Variants in ALPK1 observed in about 807,000 individuals in gnomAD.
ALPK1 encodes the protein alpha kinase 1, also known as alpha-protein kinase 1.
In ALPK1, 110 loss-of-function variants were observed where a neutral mutation model predicts 120.6. The observed-to-expected ratio is 0.91, with a 90% CI of 0.78 to 1.07. The LOEUF (loss-of-function observed/expected upper bound fraction) is 1.07, where lower values mean the gene tolerates loss of function less well. Among genes scored for constraint, ALPK1 ranks in the 50% least tolerant of loss-of-function variants. ALPK1 has a pLI of 0.00. For synonymous variants in ALPK1, 582 were observed against 560.3 expected (o/e 1.04, Z -0.55); for missense variants, 1,498 against 1,483.9 (o/e 1.01, Z -0.16).
intron 14 of ALPK1, among the ~76,000 whole-genome samples, chr4:112,440,596 T>A (rs1488015655): frequency 6.6e-6 from 1 of 152,200 alleles, no homozygotes; most frequent in Non-Finnish European, 1.5e-5. Flanking sequence ...GAAAGAAATA[T>A]TCCATATTAT....
At position 112,377,631 on chromosome 4, in the gene ALPK1, T is replaced by C. The variant is rs1045195914; in HGVS notation, c.-100-47T>C. The C allele has an allele frequency of 8.6e-5, 63 of 729,428 alleles. 1 individual carries two copies. The South Asian group carries it at 1.6e-3, about 18-fold the overall frequency. The allele number at this position is 729,428 out of a possible 1,614,324, so 45.2% of individuals were successfully genotyped here. A position where few individuals can be genotyped will look rare whatever the true frequency, so the allele number is the denominator to read the frequency against. Reference sequence around the variant, plus strand: ...CTCCCTGCTTGAGTCTCACAGATAATTGATGATGCTTCAGTTAATCATCTT... The same window carrying C: ...CTCCCTGCTTGAGTCTCACAGATAACTGATGATGCTTCAGTTAATCATCTT... On this transcript the variant is annotated intron_variant, in intron 2 of 15. Transcript: ENST00000650871.
intron 1 of ALPK1, among the ~76,000 whole-genome samples, chr4:112,299,578 G>T (rs1350014348): frequency 6.6e-6 from 1 of 152,152 alleles, no homozygotes; most frequent in African/African-American, 2.4e-5. Context: ...AATGGCTAAA[G>T]TTTCAGACAT....
chr4:112,408,079 C>T (rs1000789995), intron 4 of ALPK1, among the ~76,000 whole-genome samples: 2 of 151,394 alleles, frequency 1.3e-5, no homozygotes, highest in Admixed American at 6.6e-5. Flanking sequence ...TGCACTCCAG[C>T]TTGGGTGACA....
chr4:112,335,688 A>T (rs980952545), intron 2 of ALPK1, among the ~76,000 whole-genome samples: 1 of 152,244 alleles, frequency 6.6e-6, no homozygotes, highest in Non-Finnish European at 1.5e-5. Flanking sequence ...TTTCAATGAC[A>T]GTATAATCTC....
Position 112,439,801 on chromosome 4 carries a change from A to T in ALPK1, c.3467A>T (p.Glu1156Val). Reference protein sequence around the residue: ...KVVKTEYKATEYGLAYGHFSY... With the variant: ...KVVKTEYKATVYGLAYGHFSY... ...GTGAAAACAGAATACAAAGCCACAGAATATGGCTTGGCCTATGGCCATTTT... is the reference window on the plus strand; with the variant it reads ...GTGAAAACAGAATACAAAGCCACAGTATATGGCTTGGCCTATGGCCATTTT... The change falls in exon 14 of 16, where the codon GAA (glutamate) becomes GTA (valine). Residue 1156 changes from glutamate (E) to valine (V), a missense_variant. By Grantham distance (121) the Glu-to-Val change is moderately radical. Coordinates refer to ENST00000650871, the MANE Select transcript of ALPK1 (RefSeq NM_025144.4). 1.2e-6 allele frequency: 2 copies of T among 1,613,316 alleles called. No individual in the cohort carries two copies. Among genetic ancestry groups the T allele is most frequent in the Non-Finnish European group, 1.7e-6 (2 of 1,179,716 alleles).
intron 2 of ALPK1, among the ~76,000 whole-genome samples, chr4:112,323,461 T>C (rs1728954712): frequency 6.6e-6 from 1 of 152,204 alleles, no homozygotes. Flanking sequence ...TTACAGATCC[T>C]GGCACATAGC....
chr4:112,407,844 C>T lies in ALPK1; in HGVS notation c.277-3983C>T, dbSNP rs148806061. On this transcript the variant is annotated intron_variant, in intron 4 of 15. Transcript: ENST00000650871. Reference sequence around the variant, plus strand: ...GAGAGCAGTGCTGGGCACGGTGGCTCACGCCTGTAATCCAGCACTTTGGGA... The same window carrying T: ...GAGAGCAGTGCTGGGCACGGTGGCTTACGCCTGTAATCCAGCACTTTGGGA... Among the ~76,000 whole-genome samples the T allele has an allele frequency of 6.7e-3, 1,014 of 152,216 alleles. 13 individuals are homozygous for T. The highest frequency in any genetic ancestry group is 0.023 in the African/African-American group (969 of 41,518).
intron 1 of ALPK1, among the ~76,000 whole-genome samples, chr4:112,312,646 T>G (rs1461153395): frequency 6.6e-6 from 1 of 152,248 alleles, no homozygotes; most frequent in Non-Finnish European, 1.5e-5. Context: ...AAATACTTCT[T>G]TATCTAGCCC....
At chr4:112,407,788 C>T (rs1207114782) in intron 4 of ALPK1, among the ~76,000 whole-genome samples, 5 of 152,242 alleles carry the variant, frequency 3.3e-5, no homozygotes, top group Middle Eastern at 3.4e-3. Flanking sequence ...TGCAGCTTCC[C>T]TAAAACTGAA....
intron 2 of ALPK1, among the ~76,000 whole-genome samples, chr4:112,361,735 T>C (rs1162592554): frequency 3.3e-5 from 5 of 152,224 alleles, no homozygotes; most frequent in Non-Finnish European, 1.5e-5. Context: ...ACAACCACAG[T>C]TGATGCACTC....
intron 4 of ALPK1, among the ~76,000 whole-genome samples, chr4:112,401,811 T>C (rs1368751758): frequency 1.3e-5 from 2 of 152,208 alleles, no homozygotes; most frequent in African/African-American, 4.8e-5. Context: ...CAAAATATTA[T>C]CTTCAGATAT....
rs566279393 is a variant in ALPK1 at position 112,321,810 on chromosome 4, T to C, written c.-101+5958T>C. 5.3e-5 allele frequency among the ~76,000 whole-genome samples: 8 copies of C among 152,348 alleles called. No homozygotes were observed. In the South Asian group the frequency reaches 1.7e-3, roughly 32 times the overall value. The stretch of plus-strand genomic sequence containing the variant: ...GTCAGTTGCATAATATGCACTGCTA[T>C]TTTAATGTTCCACAAAATTTTCCAT... On this transcript the variant is annotated intron_variant, in intron 2 of 15. Transcript: ENST00000650871.
intron 6 of ALPK1, 129 bp from the exon 7 acceptor site, chr4:112,425,536 C>T (rs1734197871): frequency 6.7e-6 from 5 of 741,984 alleles, no homozygotes; most frequent in Non-Finnish European, 2.3e-6. Flanking sequence ...GGACCTGATT[C>T]TAAATGTAGA....
intron 2 of ALPK1, among the ~76,000 whole-genome samples, chr4:112,342,211 A>G (rs748509273): frequency 6.6e-6 from 1 of 152,176 alleles, no homozygotes; most frequent in Non-Finnish European, 1.5e-5. Context: ...GTTGTACACA[A>G]TGGTTGTGTG....
Position 112,430,489 on chromosome 4 carries a change from T to C in ALPK1, c.942T>C (p.Asn314=). ...GTTTATTGTCCTACAGTAGTTCAAA[T>C]GACTGTCCTCCAGAATTGAAAAACT... ...GTCLLSYSSS[N]DCPPELKNLH... The change falls in exon 11 of 16, where the codon AAT becomes AAC. Residue 314 remains asparagine, a synonymous_variant. Transcript: ENST00000650871. 6.2e-7 allele frequency: 1 copy of C among 1,613,016 alleles called. No individual in the cohort carries two copies. The highest frequency in any genetic ancestry group is 2.2e-5 in the East Asian group (1 of 44,868).
rs774272184 is a variant in ALPK1 at position 112,312,493 on chromosome 4, C to G, written c.-152-3308C>G. The stretch of plus-strand genomic sequence containing the variant: ...TTCACCATGTTAGCCAGGATGGTCT[C>G]GATCTCCTAACCTCTTCATCCGCCC... On this transcript the variant is annotated intron_variant, in intron 1 of 15. Coordinates refer to ENST00000650871, the MANE Select transcript of ALPK1 (RefSeq NM_025144.4). 5.9e-5 allele frequency among the ~76,000 whole-genome samples: 9 copies of G among 152,270 alleles called. No individual in the cohort carries two copies. In the East Asian group the frequency reaches 1.7e-3, roughly 29 times the overall value.
chr4:112,303,223 A>G (rs930458262), intron 1 of ALPK1, among the ~76,000 whole-genome samples: 1 of 152,094 alleles, frequency 6.6e-6, no homozygotes, highest in African/African-American at 2.4e-5. Context: ...CTTAACACTA[A>G]TATATTAAAG....
intron 4 of ALPK1, among the ~76,000 whole-genome samples, chr4:112,394,818 A>G (rs1164083657): frequency 1.3e-5 from 2 of 152,186 alleles, no homozygotes; most frequent in African/African-American, 4.8e-5. Context: ...GACTAAGACA[A>G]GTGGGCTGAG....
intron 2 of ALPK1, among the ~76,000 whole-genome samples, chr4:112,349,848 G>A (rs1007218775): frequency 2.2e-4 from 34 of 152,118 alleles, no homozygotes; most frequent in African/African-American, 7.5e-4. Context: ...CACCACGCCC[G>A]GCCTACATTT....
Sources: allele counts gnomAD v4.1 joint callset (sites outside exome capture counted in the v4.1 genomes callset), GRCh38; gene constraint gnomAD v4.1.1; transcripts MANE v1.5; gene names NCBI Gene and HGNC (gene_info 2026-07-23, HGNC 2026-07-21).